Variants in MNAT1 observed in about 807,000 individuals in gnomAD.
The protein encoded by MNAT1 is MNAT1 component of CDK activating kinase, also known as CDK-activating kinase assembly factor MAT1.
Under a neutral mutation model 42.0 loss-of-function variants are expected in MNAT1, and 43 were observed. The observed-to-expected ratio is 1.02, with a 90% CI of 0.80 to 1.32. MNAT1 has a LOEUF of 1.32. Among genes scored for constraint, MNAT1 ranks in the 40% most tolerant of loss-of-function variants. The pLI, the probability that MNAT1 is intolerant of heterozygous loss-of-function variation, is 0.00. For synonymous variants in MNAT1, 118 were observed against 120.0 expected (o/e 0.98, Z 0.11); for missense variants, 306 against 350.4 (o/e 0.87, Z 1.01).
intron 7 of MNAT1, among the ~76,000 whole-genome samples, chr14:60,906,070 T>C (rs2035192186): frequency 6.6e-6 from 1 of 152,160 alleles, no homozygotes; most frequent in Non-Finnish European, 1.5e-5. Context: ...TTTTAGCAAA[T>C]ACCTGAATTA....
At position 60,821,500 on chromosome 14, in the gene MNAT1, A is replaced by G. The variant is rs529336204; in HGVS notation, c.687+2653A>G. 3.9e-5 allele frequency among the ~76,000 whole-genome samples: 6 copies of G among 152,326 alleles called. No individual in the cohort carries two copies. In the South Asian group the frequency reaches 1.2e-3, roughly 32 times the overall value. ...TACATATTAGGCTCACATTTAATAGAATGAAGATCCTGAAGTACTTTCAAG... is the reference window on the plus strand; with the variant it reads ...TACATATTAGGCTCACATTTAATAGGATGAAGATCCTGAAGTACTTTCAAG... On this transcript the variant is annotated intron_variant, in intron 6 of 7. Transcript: ENST00000261245.
At chr14:60,963,214 T>G (rs1276690468) in intron 7 of MNAT1, among the ~76,000 whole-genome samples, 3 of 152,130 alleles carry the variant, frequency 2.0e-5, no homozygotes, top group Non-Finnish European at 4.4e-5. Context: ...ACTCCTGACC[T>G]CGTGATCTGC....
chr14:60,858,058 A>G (rs571347496), intron 6 of MNAT1, among the ~76,000 whole-genome samples: 9 of 152,298 alleles, frequency 5.9e-5, no homozygotes, highest in African/African-American at 2.2e-4. Context: ...TCTTTATAGC[A>G]GCATGATTTA....
At chr14:60,965,488 GT>G (rs1305658553) in intron 7 of MNAT1, among the ~76,000 whole-genome samples, 4 of 152,164 alleles carry the variant, frequency 2.6e-5, no homozygotes, top group Admixed American at 6.5e-5. Flanking sequence ...CAGTGCAGCT[GT>G]TTCAGGTTTC....
intron 6 of MNAT1, among the ~76,000 whole-genome samples, chr14:60,874,445 G>A (rs2034393451): frequency 1.3e-5 from 2 of 152,160 alleles, no homozygotes; most frequent in Admixed American, 1.3e-4. Flanking sequence ...GGCACAAGTT[G>A]CACTGTTTCA....
At chr14:60,936,242 ATTATAC>A (rs2035992799) in intron 7 of MNAT1, among the ~76,000 whole-genome samples, 1 of 151,950 alleles carries the variant, frequency 6.6e-6, no homozygotes, top group Admixed American at 6.6e-5. Flanking sequence ...CATTTTTTTT[ATTATAC>A]TTTAAGTTTT....
intron 1 of MNAT1, among the ~76,000 whole-genome samples, chr14:60,749,490 G>A (rs888285160): frequency 2.0e-5 from 3 of 151,974 alleles, no homozygotes; most frequent in Admixed American, 6.6e-5. Flanking sequence ...TCCTAGGTTC[G>A]CTACTTATTA....
At chr14:60,825,025 AAAAC>A (rs1594781173) in intron 6 of MNAT1, among the ~76,000 whole-genome samples, 1 of 152,258 alleles carries the variant, frequency 6.6e-6, no homozygotes, top group East Asian at 1.9e-4. Context: ...GAGTGGGAAA[AAAAC>A]AAGCCACAAA....
At chr14:60,768,356 T>C (rs1200486183) in intron 1 of MNAT1, among the ~76,000 whole-genome samples, 1 of 152,240 alleles carries the variant, frequency 6.6e-6, no homozygotes, top group Non-Finnish European at 1.5e-5. Context: ...GAGTTACATG[T>C]TTAATAACTT....
intron 7 of MNAT1, among the ~76,000 whole-genome samples, chr14:60,902,807 GCTTT>G (rs1348026783): frequency 6.6e-6 from 1 of 151,914 alleles, no homozygotes; most frequent in East Asian, 1.9e-4. Flanking sequence ...TTTTCATCAT[GCTTT>G]CTAACTGGTT....
At chr14:60,855,526 T>G (rs1432712578) in intron 6 of MNAT1, among the ~76,000 whole-genome samples, 1 of 152,142 alleles carries the variant, frequency 6.6e-6, no homozygotes, top group Admixed American at 6.5e-5. Flanking sequence ...GATAGCACAG[T>G]CTCTCACAGC....
intron 3 of MNAT1, among the ~76,000 whole-genome samples, chr14:60,806,376 TG>T (rs1429757534): frequency 1.3e-5 from 2 of 152,130 alleles, no homozygotes; most frequent in African/African-American, 4.8e-5. Context: ...ATGAGCCCTA[TG>T]GGTAGGGAAC....
intron 1 of MNAT1, among the ~76,000 whole-genome samples, chr14:60,775,368 A>G (rs373701546): frequency 9.2e-5 from 14 of 152,342 alleles, no homozygotes; most frequent in Admixed American, 5.2e-4. Context: ...ATAAAAGACT[A>G]ATCAGAATGA....
chr14:60,898,872 G>A (rs1232756971), intron 7 of MNAT1, among the ~76,000 whole-genome samples: 1 of 151,898 alleles, frequency 6.6e-6, no homozygotes, highest in Non-Finnish European at 1.5e-5. Flanking sequence ...TTTTTTTCTA[G>A]TAGTTTTATA....
At chr14:60,747,043 T>TGGTGC (rs1274517772) in intron 1 of MNAT1, among the ~76,000 whole-genome samples, 1 of 144,760 alleles carries the variant, frequency 6.9e-6, no homozygotes, top group Non-Finnish European at 1.5e-5. Context: ...TGGAGTACAG[T>TGGTGC]GGTGCGATCT....
chr14:60,841,467 C>T (rs1227629316), intron 6 of MNAT1, among the ~76,000 whole-genome samples: 1 of 149,954 alleles, frequency 6.7e-6, no homozygotes, highest in African/African-American at 2.5e-5. Context: ...TGTTTTTAAT[C>T]TTTAGATGTT....
intron 6 of MNAT1, among the ~76,000 whole-genome samples, chr14:60,822,346 A>G (rs1208440330): frequency 2.0e-5 from 3 of 152,234 alleles, no homozygotes; most frequent in African/African-American, 4.8e-5. Flanking sequence ...AATACTCTGC[A>G]ATGTATTTCC....
intron 1 of MNAT1, among the ~76,000 whole-genome samples, chr14:60,756,877 G>C (rs1036740575): frequency 2.6e-5 from 4 of 152,184 alleles, no homozygotes; most frequent in Middle Eastern, 3.4e-3. Flanking sequence ...TCTTGTATTT[G>C]GAGGTAAATG....
Position 60,886,945 on chromosome 14 carries a change from A to G in MNAT1, c.809+7110A>G, listed in dbSNP as rs762315547. Among the ~76,000 whole-genome samples the G allele has an allele frequency of 2.0e-5, 3 of 152,144 alleles. No homozygotes were observed. The South Asian group carries it at 6.2e-4, about 32-fold the overall frequency. On this transcript the variant is annotated intron_variant, in intron 7 of 7. Coordinates refer to ENST00000261245, the MANE Select transcript of MNAT1 (RefSeq NM_002431.4). Reference sequence around the variant, plus strand: ...AAGTGGACGTCCTTGTCTTGGGGTCAGGCAAAAACTGAAAACTTTTCCTCT... The same window carrying G: ...AAGTGGACGTCCTTGTCTTGGGGTCGGGCAAAAACTGAAAACTTTTCCTCT...
Sources: allele counts gnomAD v4.1 joint callset (sites outside exome capture counted in the v4.1 genomes callset), GRCh38; gene constraint gnomAD v4.1.1; transcripts MANE v1.5; gene names NCBI Gene and HGNC (gene_info 2026-07-23, HGNC 2026-07-21).